YME1L1: variants seen among roughly 807,000 people sequenced by gnomAD.
YME1L1 encodes the protein ATP-dependent zinc metalloprotease YME1L1.
A neutral mutation model predicts 90.4 loss-of-function variants in YME1L1; 39 were observed. That is an observed-to-expected ratio of 0.43 (90% confidence interval 0.33 to 0.56). YME1L1 has a LOEUF of 0.56. Ranked by LOEUF, YME1L1 falls within the 20% of genes least tolerant of loss-of-function variation. YME1L1 has a pLI of 0.03. For synonymous variants in YME1L1, 284 were observed against 287.3 expected, an observed-to-expected ratio of 0.99 and a Z score of 0.12; for missense variants, 617 against 868.4, an observed-to-expected ratio of 0.71 and a Z score of 3.64.
chr10:27,116,559 G>A (rs569450926), intron 15 of YME1L1, among the ~76,000 whole-genome samples: 3 of 152,224 alleles, frequency 2.0e-5, no homozygotes, highest in Non-Finnish European at 4.4e-5. Flanking sequence ...CCAACTACTT[G>A]GGAGGCTAAG....
chr10:27,138,900 C>T (rs2057056450), intron 4 of YME1L1, among the ~76,000 whole-genome samples: 1 of 151,908 alleles, frequency 6.6e-6, no homozygotes, highest in Admixed American at 6.6e-5. Flanking sequence ...TTTAAGTTTC[C>T]TTCCATTTCT....
chr10:27,136,419 A>C, intron 4 of YME1L1, 34 bp from the exon 5 acceptor site: 4 of 1,549,086 alleles, frequency 2.6e-6, no homozygotes, highest in East Asian at 2.2e-5. Context: ...TGTCACTATA[A>C]ATTGTTACAG....
intron 1 of YME1L1, 86 bp from the exon 2 acceptor site, chr10:27,149,126 G>T: frequency 8.1e-7 from 1 of 1,231,680 alleles, no homozygotes. Context: ...TTTGTTAAGA[G>T]TTAAAGGTAC....
intron 11 of YME1L1, among the ~76,000 whole-genome samples, chr10:27,121,790 G>A (rs2056870470): frequency 6.6e-6 from 1 of 150,652 alleles, no homozygotes; most frequent in Non-Finnish European, 1.5e-5. Flanking sequence ...TGTCACCCAG[G>A]TTGGAGTTCA....
In YME1L1 at chr10:27,123,044, T is replaced by G. The variant is rs1292835683; in HGVS notation, c.1103-71A>C. On this transcript the variant is annotated intron_variant, in intron 10 of 18. Transcript: ENST00000376016. ...CTTTTGAACAAAACGAGATAAATAT[T>G]AAAATCCTATACAACTGTCAAAAGC... 2.0e-6 allele frequency: 3 copies of G among 1,534,574 alleles called. No homozygotes were observed. In the African/African-American group the frequency reaches 4.2e-5, roughly 21 times the overall value.
In YME1L1 at chr10:27,131,924, T is replaced by C; in HGVS notation, c.793A>G (p.Thr265Ala). The C allele has an allele frequency of 1.2e-6, 2 of 1,613,232 alleles. No individual in the cohort carries two copies. The highest frequency in any genetic ancestry group is 8.5e-7 in the Non-Finnish European group (1 of 1,179,726). Residue 265 changes from threonine (T) to alanine (A), a missense_variant, in exon 8 of 19, where the codon ACA becomes GCA. Thr to Ala is a moderately conservative substitution (Grantham distance 58, BLOSUM62 0). This residue lies in a region of YME1L1 where 311 missense variants were observed against 335.8 expected (regional missense o/e 0.93). Transcript: ENST00000376016. ...PFLSVRFRTT[T>A]GLDSAVDPVQ... ...GGATCTACTGCAGAATCAAGCCCTG[T>C]TGTTGTCCGGAAGCGGACTAAAGGG... is the stretch of plus-strand genomic sequence containing the variant.
intron 9 of YME1L1, 58 bp downstream of exon 9, chr10:27,126,634 TTTTG>T (rs1006285975): frequency 1.9e-5 from 17 of 906,654 alleles, no homozygotes; most frequent in South Asian, 5.6e-5. Context: ...TATAGGTTTT[TTTTG>T]TTTGTTTCTT....
intron 9 of YME1L1, 28 bp from the exon 10 acceptor site, chr10:27,123,727 T>C: frequency 6.4e-7 from 1 of 1,565,082 alleles, no homozygotes; most frequent in Non-Finnish European, 8.6e-7. Context: ...CGAGAATGAT[T>C]CAAAGTATTT....
At chr10:27,145,289 C>T in intron 3 of YME1L1, 139 bp downstream of exon 3, 1 of 495,682 alleles carries the variant, frequency 2.0e-6, no homozygotes, top group Non-Finnish European at 2.9e-6. Context: ...TGAAAAATTG[C>T]AAAAAAAAAA....
intron 9 of YME1L1, among the ~76,000 whole-genome samples, chr10:27,124,832 T>C (rs2056900729): frequency 6.6e-6 from 1 of 152,210 alleles, no homozygotes; most frequent in African/African-American, 2.4e-5. Flanking sequence ...TTTTCCAGTG[T>C]TTTCTCATGA....
intron 13 of YME1L1, 84 bp from the exon 14 acceptor site, chr10:27,119,533 G>A: frequency 6.9e-7 from 1 of 1,441,206 alleles, no homozygotes; most frequent in Non-Finnish European, 9.3e-7. Context: ...TTCCAACTGG[G>A]TGCGTTGGCT....
rs2057152513 is a variant in YME1L1, at chr10:27,147,136, T to G, written c.169-1546A>C. 3 of 480,454 alleles carry G rather than the reference T, an allele frequency of 6.2e-6. No homozygotes were observed. In the Admixed American group the frequency reaches 1.1e-4, roughly 17 times the overall value. The allele number at this position is 480,454 out of a possible 1,614,324, so 29.8% of individuals were successfully genotyped here. A position where few individuals can be genotyped will look rare whatever the true frequency, so the allele number is the denominator to read the frequency against. ...TATGGCCAAACTGTGAAGAGCCATGTTTGAATTTAATTCTCTAAGTAACAT... is the reference window on the plus strand; with the variant it reads ...TATGGCCAAACTGTGAAGAGCCATGGTTGAATTTAATTCTCTAAGTAACAT... On this transcript the variant is annotated intron_variant, in intron 2 of 18. Transcript: ENST00000376016.
intron 9 of YME1L1, among the ~76,000 whole-genome samples, chr10:27,125,849 G>C (rs11015549): frequency 1.3e-5 from 2 of 151,600 alleles, no homozygotes; most frequent in Non-Finnish European, 2.9e-5. Flanking sequence ...ATGTTGGCCA[G>C]GCTGGTTGGA....
chr10:27,133,995 T>C (rs2057001312), intron 7 of YME1L1, 44 bp downstream of exon 7: 1 of 1,354,052 alleles, frequency 7.4e-7, no homozygotes, highest in Non-Finnish European at 1.0e-6. Context: ...ATCATGTATT[T>C]AAAGGAATAA....
intron 7 of YME1L1, among the ~76,000 whole-genome samples, chr10:27,132,740 A>AC (rs981654070): frequency 6.6e-6 from 1 of 151,478 alleles, no homozygotes; most frequent in African/African-American, 2.4e-5. Flanking sequence ...AATTGCTTGA[A>AC]CCCCAGGAGG....
intron 2 of YME1L1, among the ~76,000 whole-genome samples, chr10:27,148,679 A>G (rs1363109467): frequency 6.6e-6 from 1 of 152,250 alleles, no homozygotes. Flanking sequence ...GTAAGAATAC[A>G]GTACACAATA....
chr10:27,121,222 T>C (rs1372421052), intron 12 of YME1L1, among the ~76,000 whole-genome samples, 164 bp downstream of exon 12: 1 of 152,160 alleles, frequency 6.6e-6, no homozygotes, highest in Non-Finnish European at 1.5e-5. Context: ...CTCCCTAACC[T>C]CTGGTAACCG....
chr10:27,145,843 A>G (rs1197884444), intron 2 of YME1L1: 1 of 262,598 alleles, frequency 3.8e-6, no homozygotes, highest in Non-Finnish European at 7.0e-6. Flanking sequence ...ACATTTCAGC[A>G]TGAATGAGAA....
chr10:27,122,720 A>G, intron 11 of YME1L1, 121 bp downstream of exon 11: 1 of 1,362,650 alleles, frequency 7.3e-7, no homozygotes, highest in African/African-American at 1.5e-5. Context: ...TATACACATC[A>G]CATTTTTCAT....
Sources: gnomAD v4.1 joint callset for allele counts (sites outside exome capture counted in the v4.1 genomes callset) on GRCh38, gnomAD v4.1.1 for gene constraint, gnomAD v4.1.1 regional missense constraint, MANE v1.5 for transcripts, NCBI Gene and HGNC (gene_info 2026-07-23, HGNC 2026-07-21) for gene names.